The following ADCYAP1R1 variants were observed in gnomAD, a reference collection of about 807,000 sequenced individuals.
ADCYAP1R1 encodes ADCYAP receptor type I, also known as pituitary adenylate cyclase-activating polypeptide type I receptor.
A neutral mutation model predicts 67.6 loss-of-function variants in ADCYAP1R1; 44 were observed. The ratio of observed to expected loss-of-function variants is 0.65; its 90% CI spans 0.51 to 0.84. ADCYAP1R1 has a LOEUF of 0.84. Among genes scored for constraint, ADCYAP1R1 ranks in the 40% least tolerant of loss-of-function variants. ADCYAP1R1 has a pLI of 0.00. For missense variants in ADCYAP1R1, 477 were observed against 587.9 expected (o/e 0.81, Z 1.95); for synonymous variants, 222 against 219.6 (o/e 1.01, Z -0.10).
intron 8 of ADCYAP1R1, among the ~76,000 whole-genome samples, chr7:31,085,049 C>T (rs950422202): frequency 6.6e-6 from 1 of 152,218 alleles, no homozygotes; most frequent in African/African-American, 2.4e-5. Flanking sequence ...GGCAGGAGAT[C>T]TGCATTCCTT....
chr7:31,107,853 A>G lies in ADCYAP1R1; in HGVS notation c.*1169A>G, dbSNP rs549591358. 2 of 152,184 alleles carry G rather than the reference A, an allele frequency of 1.3e-5. No homozygotes were observed. Among genetic ancestry groups the G allele is most frequent in the Non-Finnish European group, 2.9e-5 (2 of 68,054 alleles). The allele number at this position is 152,184 out of a possible 1,614,324, so 9.4% of individuals were successfully genotyped here. A position where few individuals can be genotyped will look rare whatever the true frequency, so the allele number is the denominator to read the frequency against. ...TTTATGCCCTTGACCTTGACTCACC[A>G]TGGGCTGCTGGGGTGTCGGGAGAAG... On this transcript the variant is annotated 3_prime_UTR_variant, in exon 16 of 16. Coordinates refer to ENST00000304166, the MANE Select transcript of ADCYAP1R1 (RefSeq NM_001118.5).
intron 3 of ADCYAP1R1, among the ~76,000 whole-genome samples, chr7:31,069,820 C>T (rs567783442): frequency 1.3e-5 from 2 of 152,096 alleles, no homozygotes; most frequent in East Asian, 1.9e-4. Context: ...GAGAGGTGGC[C>T]GTGGGGAGTG....
chr7:31,103,690 A>G (rs1796525223), intron 14 of ADCYAP1R1, among the ~76,000 whole-genome samples: 1 of 152,176 alleles, frequency 6.6e-6, no homozygotes, highest in Admixed American at 6.5e-5. Context: ...TCCTGCCTTC[A>G]GCTTTTTAGG....
At chr7:31,073,111 G>A (rs935825960) in intron 3 of ADCYAP1R1, among the ~76,000 whole-genome samples, 2 of 152,228 alleles carry the variant, frequency 1.3e-5, no homozygotes, top group Admixed American at 6.5e-5. Flanking sequence ...GATGAGTTGT[G>A]CCATTTTAAG....
chr7:31,063,202 C>T lies in ADCYAP1R1; in HGVS notation c.-63C>T. The stretch of plus-strand genomic sequence containing the variant: ...CTTTCCTTCCTCTCTAGCCCAGAGA[C>T]ACATTGGGGCTGACCTGCCGCTGCT... On this transcript the variant is annotated 5_prime_UTR_variant, in exon 2 of 16. Coordinates refer to ENST00000304166, the MANE Select transcript of ADCYAP1R1 (RefSeq NM_001118.5). 3 of 1,596,420 alleles carry T rather than the reference C, an allele frequency of 1.9e-6. No homozygotes were observed. The highest frequency in any genetic ancestry group is 1.7e-5 in the Admixed American group (1 of 59,996).
chr7:31,078,109 C>G lies in ADCYAP1R1; in HGVS notation c.265+11C>G, dbSNP rs983706162. On this transcript the variant is annotated intron_variant, in intron 4 of 15. Transcript: ENST00000304166. ...TCAACCCAGACCAAGGTGGGTTTAGCCCAGTCTCTTTAGGCCACGCTGGCC... is the reference window on the plus strand; with the variant it reads ...TCAACCCAGACCAAGGTGGGTTTAGGCCAGTCTCTTTAGGCCACGCTGGCC... 6.2e-7 allele frequency: 1 copy of G among 1,601,862 alleles called. No homozygotes were observed. The highest frequency in any genetic ancestry group is 1.7e-5 in the Admixed American group (1 of 58,576).
chr7:31,063,216 C>T lies in ADCYAP1R1; in HGVS notation c.-49C>T, dbSNP rs750826521. The T allele has an allele frequency of 3.1e-6, 5 of 1,612,388 alleles. No homozygotes were observed. Among genetic ancestry groups the T allele is most frequent in the Non-Finnish European group, 3.4e-6 (4 of 1,178,454 alleles). On this transcript the variant is annotated 5_prime_UTR_variant, in exon 2 of 16. Transcript: ENST00000304166. Reference sequence around the variant, plus strand: ...TAGCCCAGAGACACATTGGGGCTGACCTGCCGCTGCTGTCAGTGGGAGGCC... The same window carrying T: ...TAGCCCAGAGACACATTGGGGCTGATCTGCCGCTGCTGTCAGTGGGAGGCC...
At chr7:31,091,660 T>G (rs1008804906) in intron 12 of ADCYAP1R1, among the ~76,000 whole-genome samples, 4 of 152,194 alleles carry the variant, frequency 2.6e-5, no homozygotes, top group Non-Finnish European at 5.9e-5. Context: ...CATCATTTAC[T>G]GAATAGGGAG....
chr7:31,097,209 A>G (rs561858435), intron 13 of ADCYAP1R1, among the ~76,000 whole-genome samples: 2 of 152,304 alleles, frequency 1.3e-5, no homozygotes, highest in Admixed American at 1.3e-4. Flanking sequence ...CCACTTTCTG[A>G]ATCAGGCTGC....
At chr7:31,081,363 CT>C (rs527453406) in intron 5 of ADCYAP1R1, among the ~76,000 whole-genome samples, 2 of 152,070 alleles carry the variant, frequency 1.3e-5, no homozygotes, top group East Asian at 3.9e-4. Context: ...GTGGTTTGCC[CT>C]TTTTTTGAAA....
In ADCYAP1R1 at chr7:31,086,630, G is replaced by A. The variant is rs1795754730; in HGVS notation, c.823+93G>A. 1 of 1,481,868 alleles carries A rather than the reference G, an allele frequency of 6.7e-7. No individual in the cohort carries two copies. The highest frequency in any genetic ancestry group is 1.8e-5 in the Admixed American group (1 of 54,742). 91.8% of individuals were successfully genotyped at this position (1,481,868 alleles called of 1,614,324 possible). On this transcript the variant is annotated intron_variant, in intron 10 of 15. Transcript: ENST00000304166. This position sits in a 1 kb window ranked among gnomAD's most constrained non-coding sequence, Gnocchi z 5.0. ...GTTCCATCTTCAGGAAGTGTCAGGT[G>A]AGGAGGGGCCACTGCCCTGCCCGAG...
chr7:31,095,731 C>A, intron 13 of ADCYAP1R1: 1 of 718,020 alleles, frequency 1.4e-6, no homozygotes. Flanking sequence ...GCCCTCAGAC[C>A]AGCATTCACT....
intron 13 of ADCYAP1R1, among the ~76,000 whole-genome samples, chr7:31,099,451 C>T (rs11982285): frequency 0.036 from 5,457 of 152,246 alleles, 203 homozygotes; most frequent in African/African-American, 0.084. Flanking sequence ...ATTCAAATAG[C>T]CACATATGGG....
In ADCYAP1R1 at chr7:31,111,273, G is replaced by A. The variant is rs1489965918; in HGVS notation, c.*4589G>A. The A allele has an allele frequency of 6.6e-6, 1 of 152,208 alleles. No homozygotes were observed. The highest frequency in any genetic ancestry group is 2.4e-5 in the African/African-American group (1 of 41,428). 9.4% of individuals were successfully genotyped at this position (152,208 alleles called of 1,614,324 possible). A position where few individuals can be genotyped will look rare whatever the true frequency, so the allele number is the denominator to read the frequency against. ...CCTCTATCAGGGCTGGAGTGGTGCAGCCCCTGGCATCTCAGACATGGTTCC... is the reference window on the plus strand; with the variant it reads ...CCTCTATCAGGGCTGGAGTGGTGCAACCCCTGGCATCTCAGACATGGTTCC... On this transcript the variant is annotated 3_prime_UTR_variant, in exon 16 of 16. Coordinates refer to ENST00000304166, the MANE Select transcript of ADCYAP1R1 (RefSeq NM_001118.5).
chr7:31,066,033 G>C (rs913151755), intron 3 of ADCYAP1R1, among the ~76,000 whole-genome samples: 7 of 151,794 alleles, frequency 4.6e-5, no homozygotes, highest in Non-Finnish European at 8.8e-5. Flanking sequence ...CCCTAACCAA[G>C]GTTGAACGTG....
At chr7:31,061,274 T>C (rs1292433548) in intron 1 of ADCYAP1R1, among the ~76,000 whole-genome samples, 1 of 152,246 alleles carries the variant, frequency 6.6e-6, no homozygotes, top group Admixed American at 6.5e-5. Flanking sequence ...CTGTCACTGG[T>C]GCCAGACACT....
Position 31,081,751 on chromosome 7 carries a change from T to C in ADCYAP1R1, c.325T>C (p.Ser109Pro). 1 of 1,596,210 alleles carries C rather than the reference T, an allele frequency of 6.3e-7. No homozygotes were observed. The highest frequency in any genetic ancestry group is 8.5e-7 in the Non-Finnish European group (1 of 1,171,384). ...DFGDSNSLDL[S>P]DMGVVSRNCT... ...TGGTGACAGTAACTCCTTAGATCTCTCAGGTAAGGGGTTAGGCTGGGGTTG... is the reference window on the plus strand; with the variant it reads ...TGGTGACAGTAACTCCTTAGATCTCCCAGGTAAGGGGTTAGGCTGGGGTTG... Residue 109 changes from serine (S) to proline (P), a missense_variant, in exon 6 of 16, where the codon TCA (serine) becomes CCA (proline). By Grantham distance (74) the Ser-to-Pro change is moderately conservative. Transcript: ENST00000304166.
In ADCYAP1R1 at chr7:31,088,269, A is replaced by T. The variant is rs529619024; in HGVS notation, c.954+573A>T. Among the ~76,000 whole-genome samples, 3 of 152,230 alleles carry T rather than the reference A, an allele frequency of 2.0e-5. No individual in the cohort carries two copies. The South Asian group carries it at 6.2e-4, about 32-fold the overall frequency. On this transcript the variant is annotated intron_variant, in intron 12 of 15. Coordinates refer to ENST00000304166, the MANE Select transcript of ADCYAP1R1 (RefSeq NM_001118.5). Reference sequence around the variant, plus strand: ...GTTTATTTCTCTTGTTCAGTTTTCTATCAGATTTTATTAGTTACAGTTTAA... The same window carrying T: ...GTTTATTTCTCTTGTTCAGTTTTCTTTCAGATTTTATTAGTTACAGTTTAA...
intron 3 of ADCYAP1R1, among the ~76,000 whole-genome samples, chr7:31,075,269 G>A (rs1795162081): frequency 2.0e-5 from 3 of 152,186 alleles, no homozygotes; most frequent in East Asian, 1.9e-4. Flanking sequence ...GGCATTGAAT[G>A]AGCCTGGCTC....
Sources: allele counts gnomAD v4.1 joint callset (sites outside exome capture counted in the v4.1 genomes callset), GRCh38; gene constraint gnomAD v4.1.1; non-coding constraint Gnocchi (gnomAD v3.1); transcripts MANE v1.5; gene names NCBI Gene and HGNC (gene_info 2026-07-23, HGNC 2026-07-21).